The following DOCK3 variants were observed in gnomAD, a reference collection of about 807,000 sequenced individuals.
The protein encoded by DOCK3 is dedicator of cytokinesis 3.
DOCK3 carries 60 observed loss-of-function variants against 265.6 expected under a neutral mutation model. That is an observed-to-expected ratio of 0.23 (90% CI 0.18 to 0.28). The LOEUF is 0.28. Among genes scored for constraint, DOCK3 ranks in the 10% least tolerant of loss-of-function variants. DOCK3 has a pLI of 1.00. For synonymous variants in DOCK3, 881 were observed against 938.0 expected, an observed-to-expected ratio of 0.94 and a Z score of 1.11; for missense variants, 1,981 against 2,594.3, an observed-to-expected ratio of 0.76 and a Z score of 5.14.
intron 2 of DOCK3, among the ~76,000 whole-genome samples, chr3:50,817,584 A>G (rs1156346937): frequency 1.3e-5 from 2 of 152,148 alleles, no homozygotes; most frequent in Non-Finnish European, 2.9e-5. Flanking sequence ...GGCGTTAGCC[A>G]CTGCTCCTGA....
chr3:50,811,281 G>A (rs140897787), intron 2 of DOCK3, among the ~76,000 whole-genome samples: 2 of 152,028 alleles, frequency 1.3e-5, no homozygotes, highest in African/African-American at 4.8e-5. Flanking sequence ...GTGCATGCCT[G>A]TAGTTCTGGC....
intron 5 of DOCK3, among the ~76,000 whole-genome samples, chr3:51,014,376 C>G (rs919975976): frequency 6.6e-6 from 1 of 152,096 alleles, no homozygotes; most frequent in African/African-American, 2.4e-5. Flanking sequence ...TACTCATTCT[C>G]TCTTACATTC....
At chr3:51,137,972 AG>A (rs1290069539) in intron 9 of DOCK3, among the ~76,000 whole-genome samples, 1 of 152,220 alleles carries the variant, frequency 6.6e-6, no homozygotes, top group Non-Finnish European at 1.5e-5. Context: ...GAAGAATACG[AG>A]TACTTGCTCT....
intron 3 of DOCK3, chr3:50,876,903 G>T (rs2047729041): frequency 6.4e-6 from 1 of 155,406 alleles, no homozygotes; most frequent in Admixed American, 6.5e-5. Flanking sequence ...TTTGAATGTG[G>T]CCCAACACAA....
intron 1 of DOCK3, among the ~76,000 whole-genome samples, chr3:50,770,927 A>G (rs1341406982): frequency 2.0e-5 from 3 of 152,228 alleles, no homozygotes; most frequent in Non-Finnish European, 2.9e-5. Flanking sequence ...GAATGAAGCT[A>G]GACACCTATT....
chr3:50,827,665 A>G (rs76280679), intron 2 of DOCK3, among the ~76,000 whole-genome samples: 3,848 of 151,594 alleles, frequency 0.025, 185 homozygotes, highest in African/African-American at 0.088. Context: ...AAAAACCCCA[A>G]TTACTTTTGC....
At chr3:50,975,895 A>G (rs1299427961) in intron 5 of DOCK3, among the ~76,000 whole-genome samples, 1 of 149,816 alleles carries the variant, frequency 6.7e-6, no homozygotes, top group Non-Finnish European at 1.5e-5. Context: ...CGAGGAATTT[A>G]TCCATTTCTT....
intron 1 of DOCK3, among the ~76,000 whole-genome samples, chr3:50,700,336 A>G (rs2035954262): frequency 6.6e-6 from 1 of 152,236 alleles, no homozygotes; most frequent in Admixed American, 6.5e-5. Flanking sequence ...AATAAGTTGT[A>G]TATTACTACT....
intron 44 of DOCK3, 23 bp downstream of exon 44, chr3:51,357,164 AC>A: frequency 1.2e-6 from 2 of 1,601,636 alleles, no homozygotes; most frequent in Non-Finnish European, 1.7e-6. Flanking sequence ...CACAGGCCAA[AC>A]CCATGCAGCC....
At chr3:51,063,350 A>G (rs1322787545) in intron 5 of DOCK3, among the ~76,000 whole-genome samples, 1 of 152,178 alleles carries the variant, frequency 6.6e-6, no homozygotes, top group Non-Finnish European at 1.5e-5. Flanking sequence ...AGAGAGTGAG[A>G]TCCTGTCTCT....
chr3:51,158,794 AT>A lies in DOCK3; in HGVS notation c.829-447del, dbSNP rs531072632. 5.9e-5 allele frequency among the ~76,000 whole-genome samples: 9 copies of A among 152,366 alleles called. No individual in the cohort carries two copies. In the South Asian group the frequency reaches 1.9e-3, roughly 32 times the overall value. ...TGGAACAACTTCGTGTGTAATAATC[AT>A]TTGTGGACAGAGGAATCAATGTAAA... On this transcript the variant is annotated intron_variant, in intron 10 of 52. Coordinates refer to ENST00000266037, the MANE Select transcript of DOCK3 (RefSeq NM_004947.5).
At chr3:51,296,636 C>T (rs1263788868) in intron 27 of DOCK3, among the ~76,000 whole-genome samples, 5 of 151,918 alleles carry the variant, frequency 3.3e-5, no homozygotes, top group Admixed American at 2.6e-4. Context: ...GCCACCATGC[C>T]CGGCTATTTT....
At chr3:51,296,600 T>C (rs2082092906) in intron 27 of DOCK3, among the ~76,000 whole-genome samples, 1 of 151,610 alleles carries the variant, frequency 6.6e-6, no homozygotes, top group East Asian at 2.0e-4. Flanking sequence ...CCTCAGCCTC[T>C]TGAGTAGCTG....
chr3:50,815,592 C>G (rs998906049), intron 2 of DOCK3, among the ~76,000 whole-genome samples: 11 of 151,854 alleles, frequency 7.2e-5, no homozygotes, highest in African/African-American at 2.2e-4. Flanking sequence ...CTGGGAGTTT[C>G]CTAAGAGAAA....
At chr3:51,103,188 C>T (rs996006552) in intron 9 of DOCK3, among the ~76,000 whole-genome samples, 1 of 152,048 alleles carries the variant, frequency 6.6e-6, no homozygotes, top group African/African-American at 2.4e-5. Flanking sequence ...TATTTCAGCA[C>T]CCCAAGACAT....
chr3:50,952,469 C>T (rs200194701), intron 5 of DOCK3, among the ~76,000 whole-genome samples: 2 of 152,136 alleles, frequency 1.3e-5, no homozygotes, highest in East Asian at 3.9e-4. Context: ...TCTCAAAATT[C>T]TCTCCTAAAG....
chr3:50,797,326 C>T (rs1008623929), intron 2 of DOCK3, among the ~76,000 whole-genome samples: 11 of 152,148 alleles, frequency 7.2e-5, no homozygotes, highest in Admixed American at 1.3e-4. Flanking sequence ...TGGGAGAGTC[C>T]GCTCTTCTCT....
intron 1 of DOCK3, among the ~76,000 whole-genome samples, chr3:50,683,310 A>G (rs1257567840): frequency 6.6e-6 from 1 of 152,228 alleles, no homozygotes; most frequent in Non-Finnish European, 1.5e-5. Context: ...TCATGAGTAC[A>G]ACCTGTCAAA....
intron 6 of DOCK3, among the ~76,000 whole-genome samples, chr3:51,072,732 G>T (rs987981953): frequency 1.3e-5 from 2 of 151,778 alleles, no homozygotes. Flanking sequence ...TTGAGACAGG[G>T]TCTCTCTCTG....
Sources: allele counts gnomAD v4.1 joint callset (sites outside exome capture counted in the v4.1 genomes callset), GRCh38; gene constraint gnomAD v4.1.1; transcripts MANE v1.5; gene names NCBI Gene and HGNC (gene_info 2026-07-23, HGNC 2026-07-21).